Variants in PDSS2 observed in about 807,000 individuals in gnomAD.
The protein encoded by PDSS2 is all trans-polyprenyl-diphosphate synthase PDSS2.
In PDSS2, 31 loss-of-function variants were observed where a neutral mutation model predicts 44.5. The ratio of observed to expected loss-of-function variants is 0.70; its 90% CI spans 0.52 to 0.94. The LOEUF is 0.94. PDSS2 is among the 40% of genes least tolerant of loss of function. The pLI, the probability that PDSS2 is intolerant of heterozygous loss-of-function variation, is 0.00. For missense variants in PDSS2, 452 were observed against 482.2 expected (o/e 0.94, Z 0.59); for synonymous variants, 157 against 180.3 (o/e 0.87, Z 1.03).
chr6:107,209,975 TC>T (rs890651477), intron 6 of PDSS2, among the ~76,000 whole-genome samples: 2 of 151,860 alleles, frequency 1.3e-5, no homozygotes, highest in South Asian at 2.1e-4. Context: ...CATGCTTTTT[TC>T]CCCCCCGCTT....
At chr6:107,397,859 ATAAATATGGTATTT>A (rs1334186571) in intron 1 of PDSS2, among the ~76,000 whole-genome samples, 1 of 152,238 alleles carries the variant, frequency 6.6e-6, no homozygotes, top group East Asian at 1.9e-4. Flanking sequence ...GGTGATACTA[ATAAATATGGTATTT>A]TTAAATATCA....
chr6:107,319,302 C>T (rs1777309891), intron 2 of PDSS2, among the ~76,000 whole-genome samples: 1 of 152,122 alleles, frequency 6.6e-6, no homozygotes, highest in African/African-American at 2.4e-5. Context: ...AAGGAAAACA[C>T]ACTATATAAA....
intron 7 of PDSS2, among the ~76,000 whole-genome samples, chr6:107,176,076 C>G (rs559058743): frequency 6.6e-6 from 1 of 152,170 alleles, no homozygotes; most frequent in South Asian, 2.1e-4. Context: ...GAGTCTCATT[C>G]TGTCTCCCAG....
chr6:107,299,977 G>C (rs1266527342), intron 2 of PDSS2, among the ~76,000 whole-genome samples: 1 of 152,056 alleles, frequency 6.6e-6, no homozygotes, highest in Non-Finnish European at 1.5e-5. Context: ...CAAAGGACTA[G>C]ACCTCTCAAA....
intron 2 of PDSS2, among the ~76,000 whole-genome samples, chr6:107,280,069 CT>C (rs945172358): frequency 1.6e-4 from 25 of 151,822 alleles, no homozygotes; most frequent in African/African-American, 5.8e-4. Flanking sequence ...CATGCTAACT[CT>C]TTTTTTTGAG....
At chr6:107,312,162 T>G (rs563070773) in intron 2 of PDSS2, among the ~76,000 whole-genome samples, 1 of 152,310 alleles carries the variant, frequency 6.6e-6, no homozygotes, top group African/African-American at 2.4e-5. Context: ...AGTGCAAGAA[T>G]AGTTATTCCT....
At chr6:107,179,076 C>T (rs1458048990) in intron 7 of PDSS2, among the ~76,000 whole-genome samples, 1 of 152,154 alleles carries the variant, frequency 6.6e-6, no homozygotes, top group Non-Finnish European at 1.5e-5. Context: ...TGGCATGCAT[C>T]TTAAAGAAAG....
At chr6:107,433,978 C>T (rs181396305) in intron 1 of PDSS2, among the ~76,000 whole-genome samples, 40 of 152,176 alleles carry the variant, frequency 2.6e-4, no homozygotes, top group Non-Finnish European at 5.4e-4. Flanking sequence ...GACATTCAAA[C>T]GGCAAACAGG....
intron 1 of PDSS2, among the ~76,000 whole-genome samples, chr6:107,410,389 C>T (rs1041888427): frequency 6.6e-6 from 1 of 152,148 alleles, no homozygotes; most frequent in Non-Finnish European, 1.5e-5. Context: ...GGTGCATGTG[C>T]GCGCAGACAC....
At chr6:107,296,429 G>A (rs915518179) in intron 2 of PDSS2, among the ~76,000 whole-genome samples, 1 of 152,056 alleles carries the variant, frequency 6.6e-6, no homozygotes, top group Non-Finnish European at 1.5e-5. Flanking sequence ...TATAATGATT[G>A]AAAACACTGG....
chr6:107,223,460 G>A (rs1488142450), intron 4 of PDSS2, among the ~76,000 whole-genome samples: 3 of 151,134 alleles, frequency 2.0e-5, no homozygotes, highest in African/African-American at 7.4e-5. Flanking sequence ...GAGCCTGGGA[G>A]GGAGGTGGAG....
chr6:107,210,613 A>G (rs2114625585), intron 5 of PDSS2, 43 bp from the exon 6 acceptor site: 1 of 1,272,518 alleles, frequency 7.9e-7, no homozygotes, highest in South Asian at 1.2e-5. Flanking sequence ...AAATGTATAT[A>G]CACTAGTATG....
intron 3 of PDSS2, among the ~76,000 whole-genome samples, chr6:107,253,563 C>T (rs1774898869): frequency 6.6e-6 from 1 of 152,188 alleles, no homozygotes; most frequent in African/African-American, 2.4e-5. Context: ...CACTTCTTTG[C>T]CCCTCAGTTT....
chr6:107,160,045 A>G (rs923985947), intron 7 of PDSS2, among the ~76,000 whole-genome samples: 2 of 151,964 alleles, frequency 1.3e-5, no homozygotes, highest in Admixed American at 6.6e-5. Context: ...GTAAAACTCC[A>G]TCTCTACTAA....
At chr6:107,369,564 C>T (rs1779069109) in intron 1 of PDSS2, among the ~76,000 whole-genome samples, 1 of 152,158 alleles carries the variant, frequency 6.6e-6, no homozygotes, top group South Asian at 2.1e-4. Context: ...AGGAGCATAT[C>T]TTCATGACCT....
intron 1 of PDSS2, among the ~76,000 whole-genome samples, chr6:107,395,277 TTA>T (rs372257459): frequency 2.0e-5 from 3 of 152,252 alleles, no homozygotes; most frequent in South Asian, 2.1e-4. Flanking sequence ...CTGGTTTTCT[TTA>T]TGATTATCCT....
intron 3 of PDSS2, among the ~76,000 whole-genome samples, chr6:107,257,052 C>T (rs746235157): frequency 3.3e-5 from 5 of 151,666 alleles, no homozygotes; most frequent in Admixed American, 1.3e-4. Flanking sequence ...TGGTGGTGGG[C>T]GACTGTAGTC....
intron 1 of PDSS2, among the ~76,000 whole-genome samples, chr6:107,388,749 T>C (rs933766601): frequency 6.6e-6 from 1 of 152,178 alleles, no homozygotes; most frequent in African/African-American, 2.4e-5. Flanking sequence ...TGAGCCACCG[T>C]GCTCGGCCAT....
intron 2 of PDSS2, among the ~76,000 whole-genome samples, chr6:107,281,909 T>C (rs1054114560): frequency 6.6e-6 from 1 of 152,154 alleles, no homozygotes; most frequent in Non-Finnish European, 1.5e-5. Context: ...TATTTATTTA[T>C]TTATTTATTT....
Sources: allele counts gnomAD v4.1 joint callset (sites outside exome capture counted in the v4.1 genomes callset), GRCh38; gene constraint gnomAD v4.1.1; transcripts MANE v1.5; gene names NCBI Gene and HGNC (gene_info 2026-07-23, HGNC 2026-07-21).